KIAA1671: variants seen among roughly 807,000 people sequenced by gnomAD.
KIAA1671 encodes the protein uncharacterized protein KIAA1671.
KIAA1671 carries 52 observed loss-of-function variants against 131.2 expected under a neutral mutation model. That is an observed-to-expected ratio of 0.40 (90% CI 0.32 to 0.50). The LOEUF is 0.50. KIAA1671 is among the 20% of genes least tolerant of loss of function. The pLI is 0.73. For missense variants in KIAA1671, 2,360 were observed against 2,364.2 expected, an observed-to-expected ratio of 1.00 and a Z score of 0.04; for synonymous variants, 1,003 against 961.6, an observed-to-expected ratio of 1.04 and a Z score of -0.80.
intron 6 of KIAA1671, among the ~76,000 whole-genome samples, chr22:25,129,696 T>A (rs1174360979): frequency 6.7e-6 from 1 of 149,344 alleles, no homozygotes; most frequent in Admixed American, 6.7e-5. Flanking sequence ...CTTGCCCTGT[T>A]CCCCAGGCTG....
intron 4 of KIAA1671, among the ~76,000 whole-genome samples, chr22:25,034,799 G>A (rs1340832197): frequency 1.3e-5 from 2 of 151,828 alleles, no homozygotes; most frequent in African/African-American, 4.8e-5. Flanking sequence ...GTGCAATGGC[G>A]CGATCTCGGC....
chr22:25,106,572 G>T (rs1568958971), intron 6 of KIAA1671, among the ~76,000 whole-genome samples: 3 of 152,178 alleles, frequency 2.0e-5, no homozygotes, highest in Non-Finnish European at 4.4e-5. Flanking sequence ...CTATAGCTGG[G>T]TCTCCAAACC....
At chr22:25,073,840 C>T (rs928779525) in intron 6 of KIAA1671, among the ~76,000 whole-genome samples, 12 of 152,258 alleles carry the variant, frequency 7.9e-5, no homozygotes, top group African/African-American at 2.6e-4. Flanking sequence ...ACTACAGGTG[C>T]GTGCCACCAT....
At chr22:25,192,354 A>T (rs560845401) in intron 12 of KIAA1671, 52 bp from the exon 13 acceptor site, 2 of 152,196 alleles carry the variant, frequency 1.3e-5, no homozygotes, top group African/African-American at 2.4e-5. Context: ...GTAGAGAGCA[A>T]TGGAGCCAAA....
chr22:25,093,742 C>CTCTTTCTCTCTCTCTCTCTG (rs1930168606), intron 6 of KIAA1671, among the ~76,000 whole-genome samples: 3 of 118,554 alleles, frequency 2.5e-5, no homozygotes, highest in Admixed American at 8.1e-5. Context: ...CACACACTCT[C>CTCTTTCTCTCTCTCTCTCTG]TCTCTCTCTC....
At chr22:25,093,817 TCTC>T (rs1930236478) in intron 6 of KIAA1671, among the ~76,000 whole-genome samples, 1 of 99,438 alleles carries the variant, frequency 1.0e-5, no homozygotes, top group Non-Finnish European at 2.0e-5. Flanking sequence ...TCTCTGTCTC[TCTC>T]TCTTTCTCTC....
chr22:25,162,949 A>ACTC (rs1933496119), intron 6 of KIAA1671, among the ~76,000 whole-genome samples: 1 of 152,122 alleles, frequency 6.6e-6, no homozygotes, highest in African/African-American at 2.4e-5. Context: ...TTGGTACTTA[A>ACTC]CTTATGATGT....
intron 1 of KIAA1671, among the ~76,000 whole-genome samples, chr22:24,988,150 T>C (rs1923649694): frequency 6.6e-6 from 1 of 151,942 alleles, no homozygotes; most frequent in African/African-American, 2.4e-5. Flanking sequence ...TGTTATGGCG[T>C]GCATCTGTAA....
chr22:25,044,791 A>G (rs1332807236), intron 5 of KIAA1671, among the ~76,000 whole-genome samples: 1 of 152,188 alleles, frequency 6.6e-6, no homozygotes, highest in Non-Finnish European at 1.5e-5. Context: ...CTATATTGAC[A>G]GTCACTTATC....
At chr22:25,003,633 T>G (rs1221630508) in intron 1 of KIAA1671, among the ~76,000 whole-genome samples, 7 of 151,546 alleles carry the variant, frequency 4.6e-5, no homozygotes, top group Non-Finnish European at 1.0e-4. Flanking sequence ...AGGATGGTCT[T>G]GATCTCCTAA....
intron 9 of KIAA1671, chr22:25,179,638 G>T: frequency 1.3e-6 from 1 of 760,736 alleles, no homozygotes; most frequent in African/African-American, 1.8e-5. Flanking sequence ...CTGATTTCTT[G>T]TTATGCAGAA....
At chr22:24,975,766 A>G (rs1922880390) in intron 1 of KIAA1671, among the ~76,000 whole-genome samples, 1 of 152,160 alleles carries the variant, frequency 6.6e-6, no homozygotes, top group Non-Finnish European at 1.5e-5. Context: ...AGGCTCAGAG[A>G]GGGAATTGAC....
chr22:25,015,202 G>A (rs1178633983), intron 1 of KIAA1671: 2 of 148,444 alleles, frequency 1.3e-5, no homozygotes, highest in African/African-American at 5.0e-5. Context: ...ATCATGCCTG[G>A]GACACACAGC....
At chr22:25,082,128 T>G (rs1929441964) in intron 6 of KIAA1671, among the ~76,000 whole-genome samples, 1 of 152,184 alleles carries the variant, frequency 6.6e-6, no homozygotes, top group Non-Finnish European at 1.5e-5. Context: ...GGTTTCAAGC[T>G]GAGTGGACAT....
chr22:25,094,015 A>G lies in KIAA1671; in HGVS notation c.4530+44651A>G, dbSNP rs541574408. On this transcript the variant is annotated intron_variant, in intron 6 of 12. Coordinates refer to ENST00000358431, the MANE Select transcript of KIAA1671 (RefSeq NM_001145206.2). ...GAAGGGAGGGAGGACAGAGAGATAT[A>G]TGGGGCCACCCTGAGGACTGTATAG... Among the ~76,000 whole-genome samples the G allele has an allele frequency of 8.6e-5, 13 of 152,036 alleles. No individual in the cohort carries two copies. The South Asian group carries it at 2.5e-3, about 29-fold the overall frequency.
intron 6 of KIAA1671, among the ~76,000 whole-genome samples, chr22:25,136,624 G>A (rs749203073): frequency 6.6e-6 from 1 of 152,196 alleles, no homozygotes; most frequent in South Asian, 2.1e-4. Context: ...CCACAGGGAC[G>A]TGGTCTCCCA....
At position 25,078,013 on chromosome 22, in the gene KIAA1671, T is replaced by G. The variant is rs144739121; in HGVS notation, c.4530+28649T>G. Among the ~76,000 whole-genome samples, 70 of 152,340 alleles carry G rather than the reference T, an allele frequency of 4.6e-4. 2 individuals carry two copies. The East Asian group carries it at 0.012, about 26-fold the overall frequency. ...AGCCCTGAGGGGTGGATTTTATTAT[T>G]ATTTTACCGAAGAGAAAACTGAGAT... On this transcript the variant is annotated intron_variant, in intron 6 of 12. Transcript: ENST00000358431.
intron 6 of KIAA1671, among the ~76,000 whole-genome samples, chr22:25,151,364 T>A (rs5996840): frequency 0.26 from 39,177 of 147,920 alleles, 5,347 homozygotes; most frequent in South Asian, 0.39. Context: ...ATATTTTTGT[T>A]TATATACACA....
chr22:25,007,434 C>T (rs937314888), intron 1 of KIAA1671, among the ~76,000 whole-genome samples: 25 of 150,828 alleles, frequency 1.7e-4, no homozygotes, highest in African/African-American at 1.2e-4. Flanking sequence ...TGCAGTGAGC[C>T]GAGATCACGC....
Sources: gnomAD v4.1 joint callset for allele counts (sites outside exome capture counted in the v4.1 genomes callset) on GRCh38, gnomAD v4.1.1 for gene constraint, MANE v1.5 for transcripts, NCBI Gene and HGNC (gene_info 2026-07-23, HGNC 2026-07-21) for gene names.